Variants in SLC36A2 observed in about 807,000 individuals in gnomAD.
SLC36A2 encodes the protein solute carrier family 36 member 2.
A neutral mutation model predicts 42.7 loss-of-function variants in SLC36A2; 39 were observed. The observed-to-expected ratio is 0.91, with a 90% CI of 0.71 to 1.19. SLC36A2 has a LOEUF of 1.19. SLC36A2 is among the 50% of genes most tolerant of loss of function. The pLI, the probability that SLC36A2 is intolerant of heterozygous loss-of-function variation, is 0.00. For missense variants in SLC36A2, 590 were observed against 613.7 expected, an observed-to-expected ratio of 0.96 and a Z score of 0.41; for synonymous variants, 237 against 240.8, an observed-to-expected ratio of 0.98 and a Z score of 0.15.
chr5:151,344,215 G>T lies in SLC36A2; in HGVS notation c.217C>A (p.Leu73Met), dbSNP rs754674335. 1 of 1,614,180 alleles carries T rather than the reference G, an allele frequency of 6.2e-7. No individual in the cohort carries two copies. The highest frequency in any genetic ancestry group is 1.7e-5 in the Admixed American group (1 of 60,022). ...TTCTTCACAGCGAGGGGTAGTCCCA[G>T]GATCCCTGTGCCCATGTTGCCTTTC... Reference protein sequence around the residue: ...LVKGNMGTGILGLPLAVKNAG... With the variant: ...LVKGNMGTGIMGLPLAVKNAG... Residue 73 changes from leucine to methionine, a missense_variant, in exon 2 of 10, where the codon CTG becomes ATG. By Grantham distance (15) the Leu-to-Met change is conservative. Transcript: ENST00000335244.
intron 4 of SLC36A2, among the ~76,000 whole-genome samples, chr5:151,341,196 A>G (rs60138720): frequency 0.14 from 22,019 of 152,068 alleles, 3,722 homozygotes; most frequent in African/African-American, 0.41. Context: ...TAAATGGAGC[A>G]GGGAAATCTT....
At chr5:151,341,568 G>A (rs76266318) in intron 4 of SLC36A2, among the ~76,000 whole-genome samples, 4,087 of 152,226 alleles carry the variant, frequency 0.027, 78 homozygotes, top group Non-Finnish European at 0.037. Context: ...AAGTACCAGA[G>A]GACAAAGGGT....
chr5:151,324,306 CTTATTTATTTAT>C (rs58169831), intron 8 of SLC36A2, among the ~76,000 whole-genome samples: 15,466 of 140,836 alleles, frequency 0.11, 2,727 homozygotes, highest in African/African-American at 0.37. Flanking sequence ...CCATGCCTGG[CTTATTTATTTAT>C]TTATTTATTT....
rs74577608 is a variant in SLC36A2 at position 151,346,238 on chromosome 5, A to G, written c.164+1059T>C. Among the ~76,000 whole-genome samples the G allele has an allele frequency of 5.9e-3, 900 of 152,306 alleles. 48 individuals carry two copies. The East Asian group carries it at 0.12, about 21-fold the overall frequency. On this transcript the variant is annotated intron_variant, in intron 1 of 9. Coordinates refer to ENST00000335244, the MANE Select transcript of SLC36A2 (RefSeq NM_181776.3). ...CAGTGGCTGGCCCCAACTTACAGACAGCACACTCTCAGGGTCACTAATACT... is the reference window on the plus strand; with the variant it reads ...CAGTGGCTGGCCCCAACTTACAGACGGCACACTCTCAGGGTCACTAATACT...
chr5:151,318,404 T>G (rs973504301), intron 9 of SLC36A2, among the ~76,000 whole-genome samples: 1 of 147,064 alleles, frequency 6.8e-6, no homozygotes, highest in African/African-American at 2.5e-5. Flanking sequence ...AGCATTTTAA[T>G]AAATAAAAAA....
At chr5:151,335,575 G>T (rs771385544) in intron 5 of SLC36A2, 28 bp from the exon 6 acceptor site, 3 of 1,521,948 alleles carry the variant, frequency 2.0e-6, no homozygotes, top group Middle Eastern at 1.7e-4. Flanking sequence ...GAGGCAAAAG[G>T]GGGAGATGAT....
chr5:151,326,202 C>G (rs1193319607), intron 7 of SLC36A2, among the ~76,000 whole-genome samples: 1 of 152,202 alleles, frequency 6.6e-6, no homozygotes, highest in Non-Finnish European at 1.5e-5. Flanking sequence ...CACTCTGGGG[C>G]AGCTAGATCT....
rs1357687521 is a variant in SLC36A2, at chr5:151,344,257, C to T, written c.175G>A (p.Ala59Thr). ...KKTKGITVFQ[A>T]LIHLVKGNMG... ...TTGCCTTTCACCAGGTGAATCAAGG[C>T]CTGGAACACTCTAAAGGAGAGGAAG... Residue 59 changes from alanine to threonine, a missense_variant, in exon 2 of 10, where the codon GCC (alanine) becomes ACC (threonine). By Grantham distance (58) the Ala-to-Thr change is moderately conservative. Transcript: ENST00000335244. The T allele has an allele frequency of 1.5e-5, 24 of 1,613,080 alleles. No individual in the cohort carries two copies. The Admixed American group carries it at 4.0e-4, about 27-fold the overall frequency.
At chr5:151,324,331 T>TTATG (rs1331531121) in intron 8 of SLC36A2, among the ~76,000 whole-genome samples, 5 of 150,438 alleles carry the variant, frequency 3.3e-5, no homozygotes, top group African/African-American at 9.8e-5. Flanking sequence ...ATTTATTTAT[T>TTATG]TATTTATTTA....
intron 7 of SLC36A2, among the ~76,000 whole-genome samples, chr5:151,330,916 G>A (rs1755977909): frequency 1.3e-5 from 2 of 152,100 alleles, no homozygotes; most frequent in African/African-American, 4.8e-5. Flanking sequence ...AAGTCAATAG[G>A]CCAATTAAAG....
At chr5:151,346,228 A>G (rs899781246) in intron 1 of SLC36A2, among the ~76,000 whole-genome samples, 5 of 152,136 alleles carry the variant, frequency 3.3e-5, no homozygotes, top group African/African-American at 9.7e-5. Flanking sequence ...GCTGGCCCCA[A>G]CTTACAGACA....
chr5:151,331,172 C>T (rs1261884294), intron 7 of SLC36A2, among the ~76,000 whole-genome samples: 1 of 152,132 alleles, frequency 6.6e-6, no homozygotes, highest in African/African-American at 2.4e-5. Flanking sequence ...TACCTCATAC[C>T]ACATACAAAA....
intron 5 of SLC36A2, 31 bp from the exon 6 acceptor site, chr5:151,335,578 GA>G: frequency 6.8e-7 from 1 of 1,473,066 alleles, no homozygotes; most frequent in Non-Finnish European, 9.5e-7. Context: ...GCAAAAGGGG[GA>G]GATGATGAGT....
intron 7 of SLC36A2, among the ~76,000 whole-genome samples, chr5:151,332,173 C>T (rs246488): frequency 0.3 from 45,333 of 151,820 alleles, 8,509 homozygotes; most frequent in Admixed American, 0.49. Context: ...GGCTCCATCT[C>T]ATTTTTAAGA....
At chr5:151,325,868 C>A (rs246494) in intron 7 of SLC36A2, among the ~76,000 whole-genome samples, 1 of 151,872 alleles carries the variant, frequency 6.6e-6, no homozygotes, top group Non-Finnish European at 1.5e-5. Context: ...GAAGGACTGG[C>A]ATGAGGAGAG....
Position 151,336,730 on chromosome 5 carries a change from AG to A in SLC36A2, c.526-1184del, listed in dbSNP as rs199635590. ...ATTATGAACACCCCCTTGTAAAGTC[AG>A]GGGTAGGTGGATGCTACCACCCTCC... is the stretch of plus-strand genomic sequence containing the variant. On this transcript the variant is annotated intron_variant, in intron 5 of 9. Transcript: ENST00000335244. Among the ~76,000 whole-genome samples, 1,290 of 140,642 alleles carry A rather than the reference AG, an allele frequency of 9.2e-3. 10 individuals carry two copies. Among genetic ancestry groups the A allele is most frequent in the African/African-American group, 0.03 (1,166 of 38,560 alleles). The allele number at this position is 140,642 out of a possible 152,430, so 92.3% of individuals were successfully genotyped here.
intron 7 of SLC36A2, 63 bp downstream of exon 7, chr5:151,333,161 A>G (rs1004124132): frequency 7.0e-7 from 1 of 1,420,688 alleles, no homozygotes; most frequent in Non-Finnish European, 1.0e-6. Context: ...CAGAGCTCAC[A>G]GTTCCTTTCT....
In SLC36A2 at chr5:151,335,345, A is replaced by C. The variant is rs149585377; in HGVS notation, c.728T>G (p.Ile243Arg). 6.2e-7 allele frequency: 1 copy of C among 1,613,178 alleles called. No individual in the cohort carries two copies. The highest frequency in any genetic ancestry group is 8.5e-7 in the Non-Finnish European group (1 of 1,179,636). Residue 243 changes from isoleucine to arginine, a missense_variant, in exon 6 of 10, where the codon ATA (isoleucine) becomes AGA (arginine). Coordinates refer to ENST00000335244, the MANE Select transcript of SLC36A2 (RefSeq NM_181776.3). ...ISMLVSLVII[I>R]QYITQEIPDP... ...TGCACTCACCTGGGTAATGTACTGT[A>C]TGATGATGACCAAGCTGACCAGCAT...
chr5:151,338,366 A>G (rs1334195180), intron 5 of SLC36A2, among the ~76,000 whole-genome samples: 3 of 152,248 alleles, frequency 2.0e-5, no homozygotes, highest in South Asian at 2.1e-4. Flanking sequence ...GACAATAACT[A>G]TTAAGCCATA....
Sources: gnomAD v4.1 joint callset for allele counts (sites outside exome capture counted in the v4.1 genomes callset) on GRCh38, gnomAD v4.1.1 for gene constraint, MANE v1.5 for transcripts, NCBI Gene and HGNC (gene_info 2026-07-23, HGNC 2026-07-21) for gene names.